CKAP2: variants seen among roughly 807,000 people sequenced by gnomAD.
CKAP2 encodes the protein cytoskeleton associated protein 2.
A neutral mutation model predicts 58.4 loss-of-function variants in CKAP2; 46 were observed. That is an observed-to-expected ratio of 0.79 (90% CI 0.62 to 1.01). The LOEUF is 1.01. Among genes scored for constraint, CKAP2 ranks in the 50% least tolerant of loss-of-function variants. The probability of loss-of-function intolerance (pLI) is 0.00; values close to 1 mark genes in which losing one functional copy is unlikely to be tolerated. For synonymous variants in CKAP2, 293 were observed against 280.9 expected (o/e 1.04, Z -0.43); for missense variants, 809 against 796.4 (o/e 1.02, Z -0.19).
chr13:52,462,050 G>A, intron 4 of CKAP2, 124 bp downstream of exon 4: 1 of 908,384 alleles, frequency 1.1e-6, no homozygotes. Flanking sequence ...TCATATGCAG[G>A]CAAATTTATA....
At chr13:52,472,052 A>G (rs775521862) in intron 7 of CKAP2, among the ~76,000 whole-genome samples, 1 of 152,044 alleles carries the variant, frequency 6.6e-6, no homozygotes, top group Non-Finnish European at 1.5e-5. Flanking sequence ...AGGTCTCTCC[A>G]AGACAATCTT....
chr13:52,460,825 TCTTCTTC>T lies in CKAP2; in HGVS notation c.156-71_156-65del, dbSNP rs1958561468. On this transcript the variant is annotated intron_variant, in intron 2 of 8. Transcript: ENST00000258607. ...AGTCAGTTAATTGTTAACATTGCCC[TCTTCTTC>T]CTCCCCAAAAGGAAGCCTCCTTGGT... 2.4e-6 allele frequency: 3 copies of T among 1,269,730 alleles called. No individual in the cohort carries two copies. In the African/African-American group the frequency reaches 4.6e-5, roughly 20 times the overall value. 78.7% of individuals were successfully genotyped at this position (1,269,730 alleles called of 1,614,324 possible).
At chr13:52,466,059 A>G (rs992508475) in intron 6 of CKAP2, among the ~76,000 whole-genome samples, 1 of 152,052 alleles carries the variant, frequency 6.6e-6, no homozygotes, top group Non-Finnish European at 1.5e-5. Context: ...ACATATATAT[A>G]TAATATGTAT....
chr13:52,474,901 A>G lies in CKAP2; in HGVS notation c.1809A>G (p.Lys603=). 2.5e-6 allele frequency: 4 copies of G among 1,607,094 alleles called. No homozygotes were observed. Among genetic ancestry groups the G allele is most frequent in the East Asian group, 2.2e-5 (1 of 44,716 alleles). The change falls in exon 9 of 9, where the codon AAA becomes AAG. Residue 603 remains lysine (K), a synonymous_variant. Transcript: ENST00000258607. ...VSTTPYLQSV[K]KKVQFDGTNS... ...ATATTGTTTTAATTTTCAGTGTGAA[A>G]AAAAAGGTGCAGTTTGATGGAACAA...
rs761660804 is a variant in CKAP2 at position 52,468,362 on chromosome 13, T to C, written c.1546+15T>C. The C allele has an allele frequency of 8.5e-5, 124 of 1,466,632 alleles. No individual in the cohort carries two copies. Among genetic ancestry groups the C allele is most frequent in the Non-Finnish European group, 1.1e-4 (117 of 1,062,832 alleles). 90.9% of individuals were successfully genotyped at this position (1,466,632 alleles called of 1,614,324 possible). A position where few individuals can be genotyped will look rare whatever the true frequency, so the allele number is the denominator to read the frequency against. The stretch of plus-strand genomic sequence containing the variant: ...AGCTAATTTAGGTAAGTTTTAGTTA[T>C]TTTATTTCCTTCATGTGAACTGTAG... On this transcript the variant is annotated intron_variant, in intron 7 of 8. Coordinates refer to ENST00000258607, the MANE Select transcript of CKAP2 (RefSeq NM_018204.5).
chr13:52,459,333 G>GTT (rs534560714), intron 2 of CKAP2, among the ~76,000 whole-genome samples: 1 of 151,646 alleles, frequency 6.6e-6, no homozygotes. Context: ...GTTTTGTTTT[G>GTT]TTTTTTTGAG....
intron 7 of CKAP2, among the ~76,000 whole-genome samples, chr13:52,470,662 C>T (rs1045116640): frequency 2.0e-5 from 3 of 151,900 alleles, no homozygotes; most frequent in African/African-American, 7.3e-5. Context: ...GGAGGTCATG[C>T]TTCTAATGGC....
Position 52,475,107 on chromosome 13 carries a change from T to G in CKAP2, c.2015T>G (p.Leu672Arg). The part of the protein sequence containing the change: ...DAFVCRPNAA[L>R]CRVYYEADTT The stretch of plus-strand genomic sequence containing the variant: ...TTTGTATGCCGCCCTAATGCAGCAC[T>G]GTGCCGGGTGTACTATGAGGCTGAT... The change falls in exon 9 of 9, where the codon CTG becomes CGG. Residue 672 changes from leucine to arginine, a missense_variant. Leu to Arg is a moderately radical substitution (Grantham distance 102, BLOSUM62 -2). Around this residue, in one of 3 missense-constraint regions of CKAP2, gnomAD observed 283 missense variants for 287.6 expected, o/e 0.98. Transcript: ENST00000258607. 1.9e-6 allele frequency: 3 copies of G among 1,614,210 alleles called. No individual in the cohort carries two copies. Among genetic ancestry groups the G allele is most frequent in the Non-Finnish European group, 2.5e-6 (3 of 1,180,034 alleles).
At chr13:52,466,034 CAT>C (rs572461251) in intron 6 of CKAP2, among the ~76,000 whole-genome samples, 4 of 150,648 alleles carry the variant, frequency 2.7e-5, no homozygotes, top group East Asian at 1.9e-4. Context: ...CACATATACA[CAT>C]ATATACACAC....
chr13:52,460,677 C>T (rs185713924), intron 2 of CKAP2, among the ~76,000 whole-genome samples: 1 of 149,528 alleles, frequency 6.7e-6, no homozygotes, highest in Admixed American at 6.7e-5. Context: ...TGGTCTCGAT[C>T]TCCTGACCTC....
intron 7 of CKAP2, 186 bp from the exon 8 acceptor site, chr13:52,473,643 T>A (rs1958788525): frequency 2.0e-6 from 1 of 511,924 alleles, no homozygotes; most frequent in African/African-American, 1.9e-5. Flanking sequence ...TAGCATTTAT[T>A]TCATTTTATA....
chr13:52,456,202 A>G (rs1053505562), intron 1 of CKAP2: 52 of 1,059,632 alleles, frequency 4.9e-5, no homozygotes, highest in Middle Eastern at 4.3e-4. Flanking sequence ...TTTCGAGTCT[A>G]GTGCCTCACT....
intron 2 of CKAP2, among the ~76,000 whole-genome samples, chr13:52,456,940 T>C (rs1958494112): frequency 6.6e-6 from 1 of 152,088 alleles, no homozygotes; most frequent in Non-Finnish European, 1.5e-5. Context: ...GTTGCCAGGT[T>C]GGAGTGCAGT....
At chr13:52,464,570 A>C (rs907103223) in intron 5 of CKAP2, among the ~76,000 whole-genome samples, 5 of 152,072 alleles carry the variant, frequency 3.3e-5, no homozygotes, top group East Asian at 3.9e-4. Flanking sequence ...AAAAAAAAAA[A>C]AAAACAATCC....
chr13:52,465,906 T>TATATATATACACACATATATATACACAC lies in CKAP2; in HGVS notation c.1476+455_1476+482dup, dbSNP rs139530789. The TATATATATACACACATATATATACACAC allele has an allele frequency of 8.7e-4, 241 of 278,092 alleles. 2 individuals carry two copies. The highest frequency in any genetic ancestry group is 3.3e-3 in the African/African-American group (144 of 43,204). The allele number at this position is 278,092 out of a possible 1,614,324, so 17.2% of individuals were successfully genotyped here. On this transcript the variant is annotated intron_variant, in intron 6 of 8. Transcript: ENST00000258607. ...GTAAACCCGAATGTACTCATATATG[T>TATATATATACACACATATATATACACAC]ATATATATACACACATATATATACA...
chr13:52,466,777 A>C (rs905033629), intron 6 of CKAP2, among the ~76,000 whole-genome samples: 2 of 152,140 alleles, frequency 1.3e-5, no homozygotes, highest in African/African-American at 2.4e-5. Context: ...GTTTGAGTCC[A>C]GCCTGGGCAA....
intron 2 of CKAP2, among the ~76,000 whole-genome samples, chr13:52,458,853 G>C (rs1285147056): frequency 1.4e-5 from 2 of 147,200 alleles, no homozygotes; most frequent in Admixed American, 1.4e-4. Flanking sequence ...GCGAGACTTT[G>C]TCTCAAAAAA....
chr13:52,466,010 CATACACATATATACACAT>C (rs1490004067), intron 6 of CKAP2, among the ~76,000 whole-genome samples: 3 of 151,422 alleles, frequency 2.0e-5, no homozygotes, highest in South Asian at 2.1e-4. Context: ...TATATACACA[CATACACATATATACACAT>C]ATACACATAT....
intron 6 of CKAP2, among the ~76,000 whole-genome samples, chr13:52,467,706 AAAAAAAG>A (rs202013988): frequency 0.02 from 3,027 of 152,204 alleles, 106 homozygotes; most frequent in African/African-American, 0.068. Flanking sequence ...AGACTGTCTC[AAAAAAAG>A]AAAAAAGAAA....
Sources: allele counts gnomAD v4.1 joint callset (sites outside exome capture counted in the v4.1 genomes callset), GRCh38; gene constraint gnomAD v4.1.1; regional missense constraint gnomAD v4.1.1; transcripts MANE v1.5; gene names NCBI Gene and HGNC (gene_info 2026-07-23, HGNC 2026-07-21).